The following CCT2 variants were observed in gnomAD, a reference collection of about 807,000 sequenced individuals.
CCT2 encodes T-complex protein 1 subunit beta.
In CCT2, 18 loss-of-function variants were observed where a neutral mutation model predicts 61.8. The ratio of observed to expected loss-of-function variants is 0.29; its 90% CI spans 0.20 to 0.43. CCT2 has a LOEUF of 0.43. Ranked by LOEUF, CCT2 falls within the 20% of genes least tolerant of loss-of-function variation. The pLI is 1.00. For synonymous variants in CCT2, 248 were observed against 215.9 expected, an observed-to-expected ratio of 1.15 and a Z score of -1.30; for missense variants, 556 against 656.9, an observed-to-expected ratio of 0.85 and a Z score of 1.68.
chr12:69,599,995 C>T lies in CCT2; in HGVS notation c.1568C>T (p.Ala523Val), dbSNP rs752254462. ...CTGCGTGTGGACAACATCATCAAAG[C>T]GGCACCCAGGTACCCTAACACTTTT... ...VILRVDNIIK[A>V]APRKRVPDHH... The change falls in exon 15 of 16, where the codon GCG becomes GTG. Residue 523 changes from alanine to valine, a missense_variant. This residue lies in a region of CCT2 where 225 missense variants were observed against 249.8 expected (regional missense o/e 0.90). Transcript: ENST00000299300. 5.0e-6 allele frequency: 8 copies of T among 1,610,836 alleles called. 1 individual carries two copies. The Middle Eastern group carries it at 6.6e-4, about 133-fold the overall frequency.
chr12:69,587,873 G>C, intron 4 of CCT2, 57 bp from the exon 5 acceptor site: 1 of 1,321,860 alleles, frequency 7.6e-7, no homozygotes, highest in Non-Finnish European at 1.1e-6. Flanking sequence ...GAATATTTTT[G>C]GAGAATTTAG....
At chr12:69,585,950 T>C (rs1459038996) in intron 1 of CCT2, 32 of 1,290,700 alleles carry the variant, frequency 2.5e-5, no homozygotes, top group Non-Finnish European at 3.1e-5. Context: ...AGGCGTCACC[T>C]TGATGGCCTG....
At chr12:69,594,586 GT>G (rs1279987268) in intron 10 of CCT2, among the ~76,000 whole-genome samples, 4 of 152,180 alleles carry the variant, frequency 2.6e-5, no homozygotes, top group Admixed American at 2.0e-4. Context: ...GCTGGTTGCG[GT>G]GGCTCATGCT....
rs749510813 is a variant in CCT2 at position 69,588,154 on chromosome 12, C to G, written c.338C>G (p.Ala113Gly). The G allele has an allele frequency of 6.2e-7, 1 of 1,611,912 alleles. No homozygotes were observed. Among genetic ancestry groups the G allele is most frequent in the Non-Finnish European group, 8.5e-7 (1 of 1,178,290 alleles). ...TVLAAELLRE[A>G]ESLIAKKIHP... Reference sequence around the variant, plus strand: ...GTTTTATAACTTTATTAATAGGAAGCAGAATCTTTAATTGCAAAAAAGATT... The same window carrying G: ...GTTTTATAACTTTATTAATAGGAAGGAGAATCTTTAATTGCAAAAAAGATT... Residue 113 changes from alanine (A) to glycine (G), a missense_variant, in exon 6 of 16, where the codon GCA (alanine) becomes GGA (glycine). By Grantham distance (60) the Ala-to-Gly change is moderately conservative. Coordinates refer to ENST00000299300, the MANE Select transcript of CCT2 (RefSeq NM_006431.3).
chr12:69,588,221 G>T lies in CCT2; in HGVS notation c.405G>T (p.Lys135Asn). 6.2e-7 allele frequency: 1 copy of T among 1,614,148 alleles called. No homozygotes were observed. The highest frequency in any genetic ancestry group is 1.1e-5 in the South Asian group (1 of 91,086). Residue 135 changes from lysine (K) to asparagine (N), a missense_variant, in exon 6 of 16, where the codon AAG becomes AAT. Physicochemically the swap from Lys to Asn is moderately conservative, Grantham distance 94. Coordinates refer to ENST00000299300, the MANE Select transcript of CCT2 (RefSeq NM_006431.3). ...TAGCGGGTTGGAGAGAAGCCACGAA[G>T]GCTGCAAGAGAGGCGCTGTTGAGTT... is the stretch of plus-strand genomic sequence containing the variant. Reference protein sequence around the residue: ...TIIAGWREATKAAREALLSSA... With the variant: ...TIIAGWREATNAAREALLSSA...
intron 15 of CCT2, among the ~76,000 whole-genome samples, chr12:69,600,698 A>G (rs889547569): frequency 3.9e-5 from 6 of 152,100 alleles, no homozygotes; most frequent in Admixed American, 6.6e-5. Context: ...TTATCTCTCT[A>G]TATGATCCCT....
At chr12:69,592,312 CTA>C (rs1491156815) in intron 8 of CCT2, 153 bp downstream of exon 8, 2 of 410,276 alleles carry the variant, frequency 4.9e-6, no homozygotes, top group African/African-American at 2.1e-5. Flanking sequence ...CCTGTCTCTA[CTA>C]AAAAAAAAAA....
chr12:69,591,756 A>G (rs776186), intron 7 of CCT2, among the ~76,000 whole-genome samples: 58,758 of 152,056 alleles, frequency 0.39, 11,900 homozygotes, highest in South Asian at 0.51. Flanking sequence ...GAATACAGTC[A>G]TGGGTTCCTA....
At chr12:69,597,803 T>G in intron 12 of CCT2, 37 bp downstream of exon 12, 2 of 1,568,984 alleles carry the variant, frequency 1.3e-6, no homozygotes, top group Non-Finnish European at 1.7e-6. Context: ...ATTTTTAATT[T>G]CTTAAAGTAC....
chr12:69,586,183 C>A, intron 1 of CCT2, 87 bp from the exon 2 acceptor site: 1 of 1,160,640 alleles, frequency 8.6e-7, no homozygotes, highest in Non-Finnish European at 1.3e-6. Flanking sequence ...TCTTAGATGT[C>A]CACTTGTAAG....
rs1439438638 is a variant in CCT2 at position 69,593,054 on chromosome 12, G to C, written c.829G>C (p.Glu277Gln). The C allele has an allele frequency of 6.2e-7, 1 of 1,613,538 alleles. No individual in the cohort carries two copies. Among genetic ancestry groups the C allele is most frequent in the African/African-American group, 1.3e-5 (1 of 75,018 alleles). The stretch of plus-strand genomic sequence containing the variant: ...ACATGCGGAAAAGGAAAAAATGAAG[G>C]AGAAAGTTGAACGTATTCTTAAGCA... ...IEHAEKEKMK[E>Q]KVERILKHGI... Residue 277 changes from glutamate to glutamine, a missense_variant, in exon 9 of 16, where the codon GAG becomes CAG. Physicochemically the swap from Glu to Gln is conservative, Grantham distance 29. Coordinates refer to ENST00000299300, the MANE Select transcript of CCT2 (RefSeq NM_006431.3).
chr12:69,597,821 G>A, intron 12 of CCT2, 55 bp downstream of exon 12: 6 of 1,518,352 alleles, frequency 4.0e-6, no homozygotes, highest in South Asian at 1.2e-5. Context: ...TACAATATAA[G>A]TCATAAGTGG....
At chr12:69,589,234 A>G (rs1881761190) in intron 6 of CCT2, 1 of 503,268 alleles carries the variant, frequency 2.0e-6, no homozygotes, top group East Asian at 3.7e-5. Context: ...CATTTCTCAC[A>G]TTCTTGCCAA....
chr12:69,586,924 TTA>T lies in CCT2; in HGVS notation c.144+109_144+110del, dbSNP rs140394016. On this transcript the variant is annotated intron_variant, in intron 3 of 15. Coordinates refer to ENST00000299300, the MANE Select transcript of CCT2 (RefSeq NM_006431.3). Reference sequence around the variant, plus strand: ...GCTTTTTAATCTTTAAAACGTTTAATTATAAAAGACAAGTATGTTCTCCTTAG... The same window carrying T: ...GCTTTTTAATCTTTAAAACGTTTAATTAAAAGACAAGTATGTTCTCCTTAG... 764 of 687,996 alleles carry T rather than the reference TTA, an allele frequency of 1.1e-3. 8 individuals carry two copies. In the African/African-American group the frequency reaches 0.013, roughly 12 times the overall value. The allele number at this position is 687,996 out of a possible 1,614,324, so 42.6% of individuals were successfully genotyped here.
intron 15 of CCT2, 82 bp from the exon 16 acceptor site, chr12:69,601,213 G>C: frequency 9.0e-7 from 1 of 1,114,122 alleles, no homozygotes; most frequent in Non-Finnish European, 1.3e-6. Context: ...CAGGATTCTA[G>C]TTGTGTTTGT....
Position 69,587,917 on chromosome 12 carries a change from T to G in CCT2, c.257-13T>G. ...GAAGCAATTTTGAGTTAATAACTAATTTCTTTTTCTAGATATGTCAAGGGT... is the reference window on the plus strand; with the variant it reads ...GAAGCAATTTTGAGTTAATAACTAAGTTCTTTTTCTAGATATGTCAAGGGT... On this transcript the variant is annotated splice_polypyrimidine_tract_variant and intron_variant, in intron 4 of 15. Transcript: ENST00000299300. 6.3e-7 allele frequency: 1 copy of G among 1,598,988 alleles called. No homozygotes were observed. The highest frequency in any genetic ancestry group is 1.1e-5 in the South Asian group (1 of 90,610).
At chr12:69,586,088 C>A in intron 1 of CCT2, 182 bp from the exon 2 acceptor site, 1 of 1,239,700 alleles carries the variant, frequency 8.1e-7, no homozygotes, top group Non-Finnish European at 1.1e-6. Context: ...TGTCGCTCTC[C>A]TACAAGTCCC....
chr12:69,585,651 C>G (rs901146926), intron 1 of CCT2, 127 bp downstream of exon 1: 172 of 1,534,108 alleles, frequency 1.1e-4, no homozygotes, highest in Non-Finnish European at 1.4e-4. Flanking sequence ...GCACATGGTG[C>G]GAGCCATGCG....
chr12:69,590,680 C>T (rs1055081059), intron 7 of CCT2, among the ~76,000 whole-genome samples: 1 of 148,306 alleles, frequency 6.7e-6, no homozygotes, highest in African/African-American at 2.5e-5. Flanking sequence ...TCTGAAAATA[C>T]TCTTGATTAA....
Sources: gnomAD v4.1 joint callset for allele counts (sites outside exome capture counted in the v4.1 genomes callset) on GRCh38, gnomAD v4.1.1 for gene constraint, gnomAD v4.1.1 regional missense constraint, MANE v1.5 for transcripts, NCBI Gene and HGNC (gene_info 2026-07-23, HGNC 2026-07-21) for gene names.